The following PTPRT variants were observed in gnomAD, a reference collection of about 807,000 sequenced individuals.
PTPRT encodes the protein protein tyrosine phosphatase receptor type T.
A neutral mutation model predicts 176.8 loss-of-function variants in PTPRT; 56 were observed. That is an observed-to-expected ratio of 0.32 (90% CI 0.26 to 0.40). The LOEUF (loss-of-function observed/expected upper bound fraction) is 0.40. Among genes scored for constraint, PTPRT ranks in the 10% least tolerant of loss-of-function variants. The probability of loss-of-function intolerance (pLI) is 1.00; values close to 1 mark genes in which losing one functional copy is unlikely to be tolerated. For missense variants in PTPRT, 1,540 were observed against 1,908.2 expected (o/e 0.81, Z 3.60); for synonymous variants, 783 against 739.0 (o/e 1.06, Z -0.96).
At chr20:42,147,736 G>C (rs1308427731) in intron 17 of PTPRT, among the ~76,000 whole-genome samples, 1 of 152,174 alleles carries the variant, frequency 6.6e-6, no homozygotes, top group Middle Eastern at 3.2e-3. Context: ...CACAGGCCCT[G>C]TCATGGTCCT....
intron 1 of PTPRT, among the ~76,000 whole-genome samples, chr20:43,097,411 T>C (rs1357423361): frequency 6.6e-6 from 1 of 152,190 alleles, no homozygotes; most frequent in East Asian, 1.9e-4. Flanking sequence ...ACAAAGTTGA[T>C]GATGATATAG....
chr20:43,005,363 C>A (rs1984799052), intron 1 of PTPRT, among the ~76,000 whole-genome samples: 1 of 152,130 alleles, frequency 6.6e-6, no homozygotes, highest in South Asian at 2.1e-4. Context: ...CCAGAGTATT[C>A]CAAGCTCTGT....
chr20:42,873,094 A>T (rs145693016), intron 2 of PTPRT, among the ~76,000 whole-genome samples: 29 of 152,294 alleles, frequency 1.9e-4, no homozygotes, highest in African/African-American at 7.0e-4. Context: ...GTTTCCACCC[A>T]ATCCTGGGTA....
At chr20:42,171,290 G>T (rs950110746) in intron 16 of PTPRT, among the ~76,000 whole-genome samples, 4 of 152,128 alleles carry the variant, frequency 2.6e-5, no homozygotes, top group African/African-American at 9.6e-5. Flanking sequence ...AGTTGATTTG[G>T]TAAACACAGA....
chr20:42,885,851 A>G lies in PTPRT; in HGVS notation c.170T>C (p.Ile57Thr). ...CAGCATTGGTTTCTCCCATGTGTTA[A>G]TCTGCTCCCAGGTGAACCCATTGGT... ...LGTNGFTWEQ[I>T]NTWEKPMLDQ... is the part of the protein sequence containing the mutation. The change falls in exon 2 of 31, where the codon ATT becomes ACT. Residue 57 changes from isoleucine (I) to threonine (T), a missense_variant. Physicochemically the swap from Ile to Thr is moderately conservative, Grantham distance 89. This residue lies in a region of PTPRT where 116 missense variants were observed against 118.5 expected (regional missense o/e 0.98). Transcript: ENST00000373187. The G allele has an allele frequency of 6.2e-7, 1 of 1,610,608 alleles. No homozygotes were observed. The highest frequency in any genetic ancestry group is 8.5e-7 in the Non-Finnish European group (1 of 1,177,704).
chr20:42,647,131 A>C (rs1432713452), intron 7 of PTPRT, among the ~76,000 whole-genome samples: 1 of 151,802 alleles, frequency 6.6e-6, no homozygotes, highest in Non-Finnish European at 1.5e-5. Flanking sequence ...TCCTGGGCTC[A>C]AGTGACCCCT....
intron 1 of PTPRT, among the ~76,000 whole-genome samples, chr20:42,922,991 C>T (rs1211419375): frequency 6.6e-6 from 1 of 152,096 alleles, no homozygotes; most frequent in Admixed American, 6.5e-5. Flanking sequence ...CAACACTTCA[C>T]TCATGGCTAC....
At chr20:42,198,671 C>T (rs542172226) in intron 16 of PTPRT, among the ~76,000 whole-genome samples, 43 of 152,300 alleles carry the variant, frequency 2.8e-4, no homozygotes, top group Admixed American at 2.6e-3. Context: ...ACTCAGGTGC[C>T]CTTGACCAAT....
intron 6 of PTPRT, among the ~76,000 whole-genome samples, chr20:42,742,639 CTGAA>C (rs1168561064): frequency 6.6e-6 from 1 of 152,190 alleles, no homozygotes; most frequent in African/African-American, 2.4e-5. Flanking sequence ...CTGGCCCCAT[CTGAA>C]TGGAGGAAGC....
intron 12 of PTPRT, among the ~76,000 whole-genome samples, chr20:42,284,417 G>A (rs1343651777): frequency 1.3e-5 from 2 of 151,866 alleles, no homozygotes; most frequent in East Asian, 3.9e-4. Context: ...ACTGATCCAA[G>A]TACTACAGGC....
chr20:42,086,940 C>A (rs914046901), intron 27 of PTPRT, among the ~76,000 whole-genome samples: 4 of 150,206 alleles, frequency 2.7e-5, no homozygotes, highest in Non-Finnish European at 4.4e-5. Context: ...TTCTATTTAT[C>A]TGGAATTGGA....
chr20:42,404,158 C>A (rs2058936785), intron 9 of PTPRT, among the ~76,000 whole-genome samples: 1 of 152,124 alleles, frequency 6.6e-6, no homozygotes, highest in Non-Finnish European at 1.5e-5. Context: ...CAAAGCTTTG[C>A]ATGTAGCTGT....
At chr20:42,082,616 A>T (rs986935131) in intron 29 of PTPRT, among the ~76,000 whole-genome samples, 1 of 152,224 alleles carries the variant, frequency 6.6e-6, no homozygotes, top group African/African-American at 2.4e-5. Flanking sequence ...TTATCTTAAA[A>T]TGACAGGTCT....
chr20:42,645,490 T>C (rs2074871534), intron 7 of PTPRT, among the ~76,000 whole-genome samples: 1 of 152,138 alleles, frequency 6.6e-6, no homozygotes, highest in Admixed American at 6.5e-5. Context: ...GCCTTCACTG[T>C]GTTTTCAGGG....
In PTPRT at chr20:42,560,896, G is replaced by A. The variant is rs76858249; in HGVS notation, c.1154-88334C>T. On this transcript the variant is annotated intron_variant, in intron 7 of 30. Coordinates refer to ENST00000373187, the MANE Select transcript of PTPRT (RefSeq NM_007050.6). ...TCTCTCTTTCCTGGATTCCTCCTCA[G>A]TGGAAGCAGAATACACAGGGACACT... Among the ~76,000 whole-genome samples the A allele has an allele frequency of 7.2e-3, 1,098 of 152,270 alleles. 18 individuals are homozygous for A. Among genetic ancestry groups the A allele is most frequent in the African/African-American group, 0.025 (1,058 of 41,544 alleles).
intron 2 of PTPRT, among the ~76,000 whole-genome samples, chr20:42,815,876 C>T (rs1401254196): frequency 6.6e-6 from 1 of 152,184 alleles, no homozygotes; most frequent in Non-Finnish European, 1.5e-5. Context: ...TAGACCCAGA[C>T]ATTTTGAGCC....
chr20:42,908,797 A>G (rs1449178256), intron 1 of PTPRT, among the ~76,000 whole-genome samples: 1 of 152,184 alleles, frequency 6.6e-6, no homozygotes, highest in African/African-American at 2.4e-5. Flanking sequence ...CTTTGAATTC[A>G]TGACATTAGG....
At chr20:42,171,186 A>G (rs1480889959) in intron 16 of PTPRT, among the ~76,000 whole-genome samples, 2 of 152,162 alleles carry the variant, frequency 1.3e-5, no homozygotes, top group African/African-American at 4.8e-5. Context: ...TCTTTTCCAG[A>G]GGGTTGGGTA....
chr20:42,685,049 G>A (rs1411353405), intron 6 of PTPRT, among the ~76,000 whole-genome samples: 1 of 152,138 alleles, frequency 6.6e-6, no homozygotes, highest in African/African-American at 2.4e-5. Flanking sequence ...CCAGGACTGA[G>A]GCCAAGGCAA....
Sources: allele counts gnomAD v4.1 joint callset (sites outside exome capture counted in the v4.1 genomes callset), GRCh38; gene constraint gnomAD v4.1.1; regional missense constraint gnomAD v4.1.1; transcripts MANE v1.5; gene names NCBI Gene and HGNC (gene_info 2026-07-23, HGNC 2026-07-21).